HTR4: variants seen among roughly 807,000 people sequenced by gnomAD.
The protein encoded by HTR4 is 5-hydroxytryptamine receptor 4, also known as 5-hydroxytryptamine (serotonin) receptor 4, G protein-coupled.
Under a neutral mutation model 36.8 loss-of-function variants are expected in HTR4, and 16 were observed. The observed-to-expected ratio is 0.43, with a 90% confidence interval of 0.29 to 0.66. The LOEUF is 0.66. Ranked by LOEUF, HTR4 falls within the 30% of genes least tolerant of loss-of-function variation. The pLI, the probability that HTR4 is intolerant of heterozygous loss-of-function variation, is 0.13. For synonymous variants in HTR4, 189 were observed against 185.1 expected (o/e 1.02, Z -0.17); for missense variants, 438 against 490.9 (o/e 0.89, Z 1.02).
chr5:148,461,978 A>G, intron 5 of HTR4: 1 of 152,086 alleles, frequency 6.6e-6, no homozygotes, highest in East Asian at 1.9e-4. Context: ...ATTCTGAAAT[A>G]CTTGGAGATT....
At chr5:148,636,931 T>A (rs1753561762) in intron 2 of HTR4, 58 bp downstream of exon 2, 2 of 1,094,940 alleles carry the variant, frequency 1.8e-6, no homozygotes, top group Admixed American at 1.9e-5. Flanking sequence ...ATTTTTAGAG[T>A]CTTCATAGCA....
intron 2 of HTR4, among the ~76,000 whole-genome samples, chr5:148,564,954 A>G (rs1181725904): frequency 1.3e-5 from 2 of 151,976 alleles, no homozygotes; most frequent in Non-Finnish European, 2.9e-5. Context: ...TGCTAAAAAT[A>G]CAAAAATTAG....
At chr5:148,488,137 G>C (rs1007382013) in intron 6 of HTR4, among the ~76,000 whole-genome samples, 1 of 152,166 alleles carries the variant, frequency 6.6e-6, no homozygotes, top group Non-Finnish European at 1.5e-5. Flanking sequence ...CTTATTAAAA[G>C]TCCATTTCTT....
rs576502560 is a variant in HTR4 at position 148,558,449 on chromosome 5, T to A, written c.27-8187A>T. 4.6e-5 allele frequency among the ~76,000 whole-genome samples: 7 copies of A among 152,290 alleles called. No individual in the cohort carries two copies. The South Asian group carries it at 6.2e-4, about 14-fold the overall frequency. ...AAAATTTGTAATTGCAAATTCTTTC[T>A]CTAACACTTTGAGATGTAAATGAAA... On this transcript the variant is annotated intron_variant, in intron 2 of 6. Transcript: ENST00000377888.
intron 2 of HTR4, among the ~76,000 whole-genome samples, chr5:148,603,130 T>C (rs908075664): frequency 4.6e-5 from 7 of 152,038 alleles, no homozygotes; most frequent in Non-Finnish European, 1.0e-4. Context: ...TATATGCATA[T>C]TTATCTCATA....
chr5:148,462,221 C>T (rs1482186255), intron 5 of HTR4, among the ~76,000 whole-genome samples: 1 of 151,564 alleles, frequency 6.6e-6, no homozygotes, highest in Admixed American at 6.6e-5. Context: ...ATCAATAAAA[C>T]AAAAAGCTAG....
At chr5:148,460,901 C>G (rs1292378783) in intron 5 of HTR4, among the ~76,000 whole-genome samples, 1 of 151,860 alleles carries the variant, frequency 6.6e-6, no homozygotes, top group Non-Finnish European at 1.5e-5. Context: ...TAAGTTGGAC[C>G]ATCATAAGTT....
chr5:148,461,097 C>A (rs1232854823), intron 5 of HTR4, among the ~76,000 whole-genome samples: 1 of 151,168 alleles, frequency 6.6e-6, no homozygotes, highest in African/African-American at 2.4e-5. Context: ...TCTAGGGCAA[C>A]CACTAAAAAA....
chr5:148,649,634 C>A (rs1236354423), intron 1 of HTR4, among the ~76,000 whole-genome samples: 1 of 152,088 alleles, frequency 6.6e-6, no homozygotes, highest in African/African-American at 2.4e-5. Context: ...ATGACAAGAT[C>A]TAAGACCAGA....
At chr5:148,633,146 G>A (rs891244738) in intron 2 of HTR4, among the ~76,000 whole-genome samples, 11 of 152,030 alleles carry the variant, frequency 7.2e-5, no homozygotes, top group African/African-American at 2.4e-5. Context: ...ATTTACCAAG[G>A]GACAGGACTC....
intron 2 of HTR4, among the ~76,000 whole-genome samples, chr5:148,599,324 A>G (rs1761897583): frequency 1.3e-5 from 2 of 152,324 alleles, no homozygotes; most frequent in Admixed American, 6.5e-5. Context: ...AAGCCTAGGC[A>G]CAAAATAAAA....
intron 1 of HTR4, among the ~76,000 whole-genome samples, chr5:148,642,621 G>A (rs76012247): frequency 0.027 from 4,049 of 152,192 alleles, 85 homozygotes; most frequent in South Asian, 0.098. Context: ...CCCACAAGCA[G>A]TCTTACAAAT....
chr5:148,561,125 G>T (rs1296005787), intron 2 of HTR4, among the ~76,000 whole-genome samples: 1 of 152,144 alleles, frequency 6.6e-6, no homozygotes, highest in Non-Finnish European at 1.5e-5. Flanking sequence ...AGCTGGTGAA[G>T]GTTAGGTAGT....
intron 1 of HTR4, among the ~76,000 whole-genome samples, chr5:148,644,343 G>T (rs1366754655): frequency 6.7e-6 from 1 of 149,304 alleles, no homozygotes; most frequent in Non-Finnish European, 1.5e-5. Context: ...ATTCAAATAG[G>T]TGCTAGTTTT....
At chr5:148,483,870 C>T (rs2113720302) in intron 6 of HTR4, among the ~76,000 whole-genome samples, 1 of 152,036 alleles carries the variant, frequency 6.6e-6, no homozygotes, top group Non-Finnish European at 1.5e-5. Context: ...CAACTTTGAT[C>T]GTTTTTGATA....
chr5:148,620,434 C>T (rs914665963), intron 2 of HTR4, among the ~76,000 whole-genome samples: 2 of 152,196 alleles, frequency 1.3e-5, no homozygotes, highest in Non-Finnish European at 2.9e-5. Context: ...TGTTCTAGAA[C>T]TATACTGTCC....
chr5:148,563,339 G>T (rs1760298784), intron 2 of HTR4, among the ~76,000 whole-genome samples: 1 of 152,286 alleles, frequency 6.6e-6, no homozygotes, highest in African/African-American at 2.4e-5. Context: ...TCAGGTGTCT[G>T]CTCAGATTCA....
At chr5:148,544,209 T>C (rs1759257375) in intron 4 of HTR4, among the ~76,000 whole-genome samples, 1 of 152,178 alleles carries the variant, frequency 6.6e-6, no homozygotes, top group South Asian at 2.1e-4. Context: ...AACGATTTGG[T>C]GAAAATTCAT....
chr5:148,523,790 T>G (rs909056107), intron 4 of HTR4, among the ~76,000 whole-genome samples: 2 of 152,190 alleles, frequency 1.3e-5, no homozygotes, highest in Non-Finnish European at 2.9e-5. Context: ...TTTCTGGCAC[T>G]GTTCCAACAC....
Sources: gnomAD v4.1 joint callset for allele counts (sites outside exome capture counted in the v4.1 genomes callset) on GRCh38, gnomAD v4.1.1 for gene constraint, MANE v1.5 for transcripts, NCBI Gene and HGNC (gene_info 2026-07-23, HGNC 2026-07-21) for gene names.